DLGAP2: variants seen among roughly 807,000 people sequenced by gnomAD.
DLGAP2 encodes DLG associated protein 2.
DLGAP2 carries 26 observed loss-of-function variants against 100.3 expected under a neutral mutation model. That is an observed-to-expected ratio of 0.26 (90% CI 0.19 to 0.36). DLGAP2 has a LOEUF of 0.36. DLGAP2 is among the 10% of genes least tolerant of loss of function. DLGAP2 has a pLI of 1.00. For synonymous variants in DLGAP2, 886 were observed against 630.1 expected (o/e 1.41, Z -6.08); for missense variants, 1,858 against 1,453.2 (o/e 1.28, Z -4.53).
At position 868,942 on chromosome 8, in the gene DLGAP2, A is replaced by G. The variant is rs138188185; in HGVS notation, c.19-38970A>G. 6.4e-3 allele frequency among the ~76,000 whole-genome samples: 973 copies of G among 152,290 alleles called. 11 individuals are homozygous for G. The highest frequency in any genetic ancestry group is 0.02 in the Middle Eastern group (6 of 294). ...TCCACAATGAAGTGAATATGTGACA[A>G]TTTAAAAACTGAAATTGCTGTCTCA... On this transcript the variant is annotated intron_variant, in intron 1 of 14. Transcript: ENST00000637795.
chr8:1,108,827 T>G (rs1160377397), intron 2 of DLGAP2, among the ~76,000 whole-genome samples: 1 of 122,384 alleles, frequency 8.2e-6, no homozygotes, highest in Non-Finnish European at 1.7e-5. Flanking sequence ...GGTGTGCATG[T>G]GCCTATGAAG....
intron 3 of DLGAP2, among the ~76,000 whole-genome samples, chr8:1,410,832 ATT>A (rs33928314): frequency 0.025 from 3,326 of 135,170 alleles, 106 homozygotes; most frequent in African/African-American, 0.079. Context: ...CTCTGGAGCC[ATT>A]TTTTTTTTTT....
Position 1,296,717 on chromosome 8 carries a change from C to T in DLGAP2, c.106+37834C>T, listed in dbSNP as rs183957377. On this transcript the variant is annotated intron_variant, in intron 3 of 14. Transcript: ENST00000637795. ...CACTTTACAAAGGAGGCACTTAAAG[C>T]GTCAAAGGCTCTTTGGGTTCGCTTG... Among the ~76,000 whole-genome samples, 37 of 152,330 alleles carry T rather than the reference C, an allele frequency of 2.4e-4. 1 individual carries two copies. Among genetic ancestry groups the T allele is most frequent in the African/African-American group, 7.5e-4 (31 of 41,574 alleles).
At chr8:1,153,216 G>A (rs1796726666) in intron 2 of DLGAP2, among the ~76,000 whole-genome samples, 1 of 152,098 alleles carries the variant, frequency 6.6e-6, no homozygotes, top group East Asian at 1.9e-4. Flanking sequence ...GTTCCTCATG[G>A]TCTGGCCAGA....
At chr8:1,606,521 A>G (rs964139481) in intron 6 of DLGAP2, among the ~76,000 whole-genome samples, 4 of 152,160 alleles carry the variant, frequency 2.6e-5, no homozygotes, top group East Asian at 1.9e-4. Flanking sequence ...AACGTTTTCA[A>G]CATTGATCCA....
intron 2 of DLGAP2, among the ~76,000 whole-genome samples, chr8:1,029,147 G>A (rs1801901217): frequency 6.6e-6 from 1 of 152,172 alleles, no homozygotes; most frequent in Admixed American, 6.5e-5. Context: ...GGTCCCCAGG[G>A]CGTGCCTGTG....
chr8:950,454 A>G (rs1488019907), intron 2 of DLGAP2, among the ~76,000 whole-genome samples: 1 of 152,138 alleles, frequency 6.6e-6, no homozygotes, highest in East Asian at 1.9e-4. Context: ...TTGCAGCACC[A>G]TTTATGAAGG....
At chr8:1,039,374 A>AGCTCGGTTTCCG (rs1802233341) in intron 2 of DLGAP2, among the ~76,000 whole-genome samples, 2 of 81,936 alleles carry the variant, frequency 2.4e-5, no homozygotes, top group Non-Finnish European at 2.5e-5. Context: ...CTCGGTGTGC[A>AGCTCGGTTTCCG]TGGTCAGCTC....
intron 2 of DLGAP2, among the ~76,000 whole-genome samples, chr8:1,181,815 G>A (rs1797394831): frequency 6.6e-6 from 1 of 152,160 alleles, no homozygotes; most frequent in Non-Finnish European, 1.5e-5. Context: ...CACCCACGCA[G>A]AAGGCTATGA....
chr8:868,171 T>G (rs17065398), intron 1 of DLGAP2, among the ~76,000 whole-genome samples: 11,295 of 152,234 alleles, frequency 0.074, 844 homozygotes, highest in African/African-American at 0.19. Context: ...ATACAGTGAG[T>G]AAAGGGTTTA....
At chr8:838,486 T>A (rs956507521) in intron 1 of DLGAP2, among the ~76,000 whole-genome samples, 3 of 152,170 alleles carry the variant, frequency 2.0e-5, no homozygotes, top group African/African-American at 7.2e-5. Context: ...CTACTGTACA[T>A]TGATAATATA....
chr8:912,638 G>T (rs1245147590), intron 2 of DLGAP2, among the ~76,000 whole-genome samples: 1 of 148,176 alleles, frequency 6.7e-6, no homozygotes, highest in South Asian at 2.2e-4. Flanking sequence ...TCTCTGTGGA[G>T]CTGAGCCCCA....
intron 2 of DLGAP2, among the ~76,000 whole-genome samples, chr8:1,167,607 A>G (rs1797043529): frequency 1.3e-5 from 2 of 152,192 alleles, no homozygotes; most frequent in South Asian, 2.1e-4. Flanking sequence ...ACTTAAAATT[A>G]TATTGCACAT....
chr8:848,924 G>A (rs542317356), intron 1 of DLGAP2, among the ~76,000 whole-genome samples: 10 of 149,900 alleles, frequency 6.7e-5, no homozygotes, highest in Middle Eastern at 3.2e-3. Context: ...AGGAACGCGC[G>A]GTGCCTGTTC....
chr8:1,473,753 A>G (rs1269618209), intron 3 of DLGAP2, among the ~76,000 whole-genome samples: 1 of 152,064 alleles, frequency 6.6e-6, no homozygotes, highest in East Asian at 1.9e-4. Context: ...GTCCCTCCAT[A>G]CTGTTCTCAT....
At chr8:1,557,369 C>G (rs1802000495) in intron 5 of DLGAP2, among the ~76,000 whole-genome samples, 1 of 152,158 alleles carries the variant, frequency 6.6e-6, no homozygotes. Context: ...GAAAGAGCCC[C>G]TGGTGAGATG....
intron 1 of DLGAP2, among the ~76,000 whole-genome samples, chr8:803,346 G>A (rs1049389712): frequency 1.3e-5 from 2 of 152,074 alleles, no homozygotes; most frequent in Non-Finnish European, 2.9e-5. Flanking sequence ...TTTTGCTTGT[G>A]GTTTATTCCT....
At chr8:1,422,982 T>A (rs898282565) in intron 3 of DLGAP2, among the ~76,000 whole-genome samples, 1 of 152,118 alleles carries the variant, frequency 6.6e-6, no homozygotes, top group African/African-American at 2.4e-5. Flanking sequence ...GCAGGTGGCC[T>A]GGTATATGTG....
At chr8:1,113,880 T>C (rs1400882792) in intron 2 of DLGAP2, among the ~76,000 whole-genome samples, 1 of 152,158 alleles carries the variant, frequency 6.6e-6, no homozygotes, top group Non-Finnish European at 1.5e-5. Context: ...CTTCAATACC[T>C]AGTATATTGA....
Sources: allele counts gnomAD v4.1 joint callset (sites outside exome capture counted in the v4.1 genomes callset), GRCh38; gene constraint gnomAD v4.1.1; transcripts MANE v1.5; gene names NCBI Gene and HGNC (gene_info 2026-07-23, HGNC 2026-07-21).